DYSF: variants seen among roughly 807,000 people sequenced by gnomAD.
DYSF encodes the protein dystrophy-associated fer-1-like 1.
In DYSF, 212 loss-of-function variants were observed where a neutral mutation model predicts 274.9. The observed-to-expected ratio is 0.77, with a 90% CI of 0.69 to 0.86. The LOEUF (loss-of-function observed/expected upper bound fraction) is 0.86, where lower values mean the gene tolerates loss of function less well. Among genes scored for constraint, DYSF ranks in the 40% least tolerant of loss-of-function variants. The pLI, the probability that DYSF is intolerant of heterozygous loss-of-function variation, is 0.00. For synonymous variants in DYSF, 1,091 were observed against 1,078.7 expected (o/e 1.01, Z -0.22); for missense variants, 2,666 against 2,783.2 (o/e 0.96, Z 0.95).
intron 3 of DYSF, among the ~76,000 whole-genome samples, chr2:71,496,377 G>T (rs2084393898): frequency 6.6e-6 from 1 of 152,116 alleles, no homozygotes; most frequent in African/African-American, 2.4e-5. Context: ...ATCAGTGCAG[G>T]GGTCAATCAG....
chr2:71,679,046 C>A lies in DYSF; in HGVS notation c.5885-11C>A. The A allele has an allele frequency of 6.2e-7, 1 of 1,613,852 alleles. No individual in the cohort carries two copies. The highest frequency in any genetic ancestry group is 8.5e-7 in the Non-Finnish European group (1 of 1,179,812). On this transcript the variant is annotated splice_polypyrimidine_tract_variant and intron_variant, in intron 52 of 55. Coordinates refer to ENST00000410020, the MANE Select transcript of DYSF (RefSeq NM_001130987.2). ...AGAAACCCTTGGCCAAAAACTACCTCTCTGTTGCAGGCTCCCTGCAGCTCG... is the reference window on the plus strand; with the variant it reads ...AGAAACCCTTGGCCAAAAACTACCTATCTGTTGCAGGCTCCCTGCAGCTCG...
At chr2:71,597,990 G>A (rs2093447409) in intron 32 of DYSF, among the ~76,000 whole-genome samples, 1 of 152,160 alleles carries the variant, frequency 6.6e-6, no homozygotes, top group East Asian at 1.9e-4. Context: ...GCATCCCAGA[G>A]CTCACAGACA....
rs1365278928 is a variant in DYSF at position 71,574,180 on chromosome 2, G to C, written c.3229-18G>C. 2 of 1,613,248 alleles carry C rather than the reference G, an allele frequency of 1.2e-6. No individual in the cohort carries two copies. Among genetic ancestry groups the C allele is most frequent in the South Asian group, 2.2e-5 (2 of 91,086 alleles). ...AGCCTTCCCACCGGCCTCTGAGTCTGCCCCTTCTCTTGTGCAGCACAGGCA... is the reference window on the plus strand; with the variant it reads ...AGCCTTCCCACCGGCCTCTGAGTCTCCCCCTTCTCTTGTGCAGCACAGGCA... On this transcript the variant is annotated intron_variant, in intron 29 of 55. Transcript: ENST00000410020.
chr2:71,581,027 C>T (rs1166099514), intron 30 of DYSF, among the ~76,000 whole-genome samples: 1 of 152,188 alleles, frequency 6.6e-6, no homozygotes, highest in African/African-American at 2.4e-5. Context: ...AATTTACTGT[C>T]CAGTCTGGAA....
chr2:71,464,161 C>T (rs1267559610), upstream of DYSF, among the ~76,000 whole-genome samples: 1 of 152,162 alleles, frequency 6.6e-6, no homozygotes, highest in East Asian at 1.9e-4. Flanking sequence ...CTGGAAGCTC[C>T]CTGAGGGCAG....
intron 32 of DYSF, among the ~76,000 whole-genome samples, chr2:71,596,068 G>C (rs1232088634): frequency 6.7e-6 from 1 of 149,750 alleles, no homozygotes; most frequent in Admixed American, 6.7e-5. Flanking sequence ...GCACACAGTA[G>C]CCCAGTGTCT....
intron 51 of DYSF, among the ~76,000 whole-genome samples, chr2:71,673,179 G>A (rs1281005941): frequency 6.6e-6 from 1 of 152,210 alleles, no homozygotes; most frequent in Non-Finnish European, 1.5e-5. Context: ...TCCTGTCCTT[G>A]CCACTCACCC....
chr2:71,459,070 C>T (rs902630076), intron 1 of DYSF, among the ~76,000 whole-genome samples: 6 of 152,138 alleles, frequency 3.9e-5, no homozygotes, highest in African/African-American at 4.8e-5. Context: ...CTGGGATATC[C>T]GCCGGACACA....
At chr2:71,489,784 G>A in intron 3 of DYSF, among the ~76,000 whole-genome samples, 1 of 152,188 alleles carries the variant, frequency 6.6e-6, no homozygotes, top group Non-Finnish European at 1.5e-5. Context: ...AGCTTGCAGG[G>A]CAGGGGTGGT....
chr2:71,540,114 C>CTT (rs565221959), intron 17 of DYSF, among the ~76,000 whole-genome samples: 10 of 133,760 alleles, frequency 7.5e-5, no homozygotes, highest in Non-Finnish European at 1.3e-4. Flanking sequence ...CTTTTTTTTT[C>CTT]TTTTTTTTTT....
intron 1 of DYSF, among the ~76,000 whole-genome samples, chr2:71,476,606 C>T (rs1317035937): frequency 2.0e-5 from 3 of 151,386 alleles, no homozygotes; most frequent in Non-Finnish European, 4.4e-5. Context: ...AGATTGCATG[C>T]ACTCACAGTT....
chr2:71,560,262 T>C (rs554715266), intron 22 of DYSF, among the ~76,000 whole-genome samples: 6 of 152,286 alleles, frequency 3.9e-5, no homozygotes, highest in Middle Eastern at 3.4e-3. Flanking sequence ...GTGGCCTCCA[T>C]GAAAATCTCC....
Position 71,652,280 on chromosome 2 carries a change from C to T in DYSF, c.4627-3882C>T, listed in dbSNP as rs117098397. ...CTAACATTGGTCCATATCTTCTAACCATTTCAATGTCAACAAAAAGAAACG... is the reference window on the plus strand; with the variant it reads ...CTAACATTGGTCCATATCTTCTAACTATTTCAATGTCAACAAAAAGAAACG... On this transcript the variant is annotated intron_variant, in intron 42 of 55. Coordinates refer to ENST00000410020, the MANE Select transcript of DYSF (RefSeq NM_001130987.2). Among the ~76,000 whole-genome samples the T allele has an allele frequency of 3.2e-4, 48 of 152,294 alleles. No homozygotes were observed. In the East Asian group the frequency reaches 8.3e-3, roughly 26 times the overall value.
At chr2:71,535,182 T>C (rs1353748903) in intron 15 of DYSF, 86 bp from the exon 16 acceptor site, 23 of 1,594,708 alleles carry the variant, frequency 1.4e-5, no homozygotes, top group Non-Finnish European at 1.9e-5. Flanking sequence ...ATCCTGCCAG[T>C]ATCCCAGACT....
chr2:71,636,416 C>G (rs1392040516), intron 41 of DYSF, among the ~76,000 whole-genome samples: 1 of 152,068 alleles, frequency 6.6e-6, no homozygotes, highest in Non-Finnish European at 1.5e-5. Flanking sequence ...TGAGTATACA[C>G]TGGAGGTAGT....
At chr2:71,534,724 T>G (rs779881110) in intron 14 of DYSF, among the ~76,000 whole-genome samples, 2 of 152,116 alleles carry the variant, frequency 1.3e-5, no homozygotes, top group Non-Finnish European at 2.9e-5. Context: ...ATGGGAGGTA[T>G]GGAGAGGGAT....
intron 30 of DYSF, among the ~76,000 whole-genome samples, chr2:71,577,287 AAC>A (rs2092734583): frequency 6.7e-6 from 1 of 149,762 alleles, no homozygotes; most frequent in Non-Finnish European, 1.5e-5. Flanking sequence ...ACTCATACAC[AAC>A]ACACTCTGTT....
chr2:71,500,202 A>G (rs532592425), intron 3 of DYSF, among the ~76,000 whole-genome samples: 6 of 152,008 alleles, frequency 3.9e-5, no homozygotes, highest in Admixed American at 6.5e-5. Context: ...TCTGTGACCA[A>G]CCTCAGACCC....
intron 1 of DYSF, among the ~76,000 whole-genome samples, chr2:71,469,479 T>C (rs1266253756): frequency 6.6e-6 from 1 of 152,226 alleles, no homozygotes; most frequent in Non-Finnish European, 1.5e-5. Flanking sequence ...GCCCAGCTCC[T>C]CATGGCACAG....
Sources: gnomAD v4.1 joint callset for allele counts (sites outside exome capture counted in the v4.1 genomes callset) on GRCh38, gnomAD v4.1.1 for gene constraint, MANE v1.5 for transcripts, NCBI Gene and HGNC (gene_info 2026-07-23, HGNC 2026-07-21) for gene names.